Variants in SBNO1 observed in about 807,000 individuals in gnomAD.
SBNO1 encodes strawberry notch homolog 1.
Under a neutral mutation model 173.6 loss-of-function variants are expected in SBNO1, and 23 were observed. That is an observed-to-expected ratio of 0.13 (90% CI 0.10 to 0.19). The LOEUF (loss-of-function observed/expected upper bound fraction) is 0.19. Ranked by LOEUF, SBNO1 falls within the 10% of genes least tolerant of loss-of-function variation. SBNO1 has a pLI of 1.00. For missense variants in SBNO1, 1,238 were observed against 1,671.2 expected, an observed-to-expected ratio of 0.74 and a Z score of 4.52; for synonymous variants, 632 against 571.5, an observed-to-expected ratio of 1.11 and a Z score of -1.51.
chr12:123,296,028 A>G lies in SBNO1; in HGVS notation c.4062T>C (p.Cys1354=), dbSNP rs764571053. The G allele has an allele frequency of 1.3e-5, 21 of 1,613,554 alleles. No individual in the cohort carries two copies. Residue 1354 remains cysteine (C), a synonymous_variant, in exon 32 of 32, where the codon TGT becomes TGC. Coordinates refer to ENST00000602398, the MANE Select transcript of SBNO1 (RefSeq NM_001167856.3). ...RIVGLIIPAN[C]VSPLVNLLST... The stretch of plus-strand genomic sequence containing the variant: ...ATAGGAGATTTACAAGAGGAGACAC[A>G]CAATTTGCCGGAATGATCAAACCTG...
chr12:123,317,388 T>A, intron 20 of SBNO1, 32 bp from the exon 21 acceptor site: 1 of 1,610,666 alleles, frequency 6.2e-7, no homozygotes, highest in African/African-American at 1.3e-5. Context: ...TAAAGTCACT[T>A]TTGCATAAGA....
At chr12:123,310,047 A>T (rs1196865518) in intron 25 of SBNO1, among the ~76,000 whole-genome samples, 191 bp from the exon 26 acceptor site, 1 of 152,148 alleles carries the variant, frequency 6.6e-6, no homozygotes, top group Non-Finnish European at 1.5e-5. Flanking sequence ...ACACGCTCAA[A>T]AGAGGTTTGT....
At chr12:123,312,615 G>A (rs1868723347) in intron 24 of SBNO1, among the ~76,000 whole-genome samples, 2 of 151,940 alleles carry the variant, frequency 1.3e-5, no homozygotes, top group Non-Finnish European at 2.9e-5. Flanking sequence ...GGGAGGTTCA[G>A]GGAGGAGAAC....
chr12:123,329,277 G>C (rs1044382237), intron 9 of SBNO1, among the ~76,000 whole-genome samples: 1 of 152,020 alleles, frequency 6.6e-6, no homozygotes, highest in Non-Finnish European at 1.5e-5. Flanking sequence ...GCTACCACAG[G>C]GGCTGAGGTG....
intron 1 of SBNO1, among the ~76,000 whole-genome samples, chr12:123,363,348 C>T (rs966141524): frequency 6.6e-6 from 1 of 152,268 alleles, no homozygotes; most frequent in East Asian, 1.9e-4. Flanking sequence ...ATTCTGATTG[C>T]TAGAAAATAT....
At chr12:123,311,257 CA>C (rs1868460515) in intron 24 of SBNO1, 128 bp from the exon 25 acceptor site, 3 of 671,484 alleles carry the variant, frequency 4.5e-6, no homozygotes, top group Non-Finnish European at 7.8e-6. Flanking sequence ...TTTATATAAA[CA>C]TGGAGAAAAT....
chr12:123,307,022 A>T (rs967269994), intron 28 of SBNO1, among the ~76,000 whole-genome samples: 6 of 140,852 alleles, frequency 4.3e-5, no homozygotes, highest in African/African-American at 1.6e-4. Context: ...AACTGCATTA[A>T]AAAAAAAAAA....
chr12:123,333,001 G>T (rs1483389403), intron 7 of SBNO1, among the ~76,000 whole-genome samples: 2 of 152,080 alleles, frequency 1.3e-5, no homozygotes. Context: ...GTGGGTGCCT[G>T]TAGTCCCAGC....
At chr12:123,361,860 G>A (rs1318153643) in intron 1 of SBNO1, among the ~76,000 whole-genome samples, 2 of 152,148 alleles carry the variant, frequency 1.3e-5, no homozygotes, top group African/African-American at 2.4e-5. Context: ...AGATTCTGAG[G>A]CCAGGCGCGG....
chr12:123,339,085 A>G (rs1193667759), intron 5 of SBNO1, among the ~76,000 whole-genome samples: 1 of 152,130 alleles, frequency 6.6e-6, no homozygotes, highest in Non-Finnish European at 1.5e-5. Flanking sequence ...TTAGTTTCCA[A>G]AAATCACCTT....
intron 17 of SBNO1, among the ~76,000 whole-genome samples, 172 bp downstream of exon 17, chr12:123,321,363 C>T (rs1869957109): frequency 6.6e-6 from 1 of 152,162 alleles, no homozygotes; most frequent in Admixed American, 6.6e-5. Flanking sequence ...TATCTTCTCA[C>T]ATATATGAGG....
In SBNO1 at chr12:123,309,417, A is replaced by G; in HGVS notation, c.3538-15T>C. ...TCTACACTAATCTGTAAGAGAAACAACGAAATTTAAACTCATTTCTGTAAA... is the reference window on the plus strand; with the variant it reads ...TCTACACTAATCTGTAAGAGAAACAGCGAAATTTAAACTCATTTCTGTAAA... On this transcript the variant is annotated splice_polypyrimidine_tract_variant and intron_variant, in intron 27 of 31. Transcript: ENST00000602398. 1 of 1,611,046 alleles carries G rather than the reference A, an allele frequency of 6.2e-7. No individual in the cohort carries two copies. Among genetic ancestry groups the G allele is most frequent in the Non-Finnish European group, 8.5e-7 (1 of 1,177,166 alleles).
intron 30 of SBNO1, among the ~76,000 whole-genome samples, chr12:123,298,545 G>A (rs576206494): frequency 7.2e-5 from 11 of 152,260 alleles, no homozygotes; most frequent in South Asian, 2.1e-4. Flanking sequence ...GTGAGCCACC[G>A]CTCTTGGCCT....
chr12:123,307,020 T>TAAAAAAAAAAAAAAA (rs34105162), intron 28 of SBNO1, among the ~76,000 whole-genome samples: 1 of 64,432 alleles, frequency 1.6e-5, no homozygotes, highest in Non-Finnish European at 2.7e-5. Context: ...TCAACTGCAT[T>TAAAAAAAAAAAAAAA]AAAAAAAAAA....
Position 123,295,303 on chromosome 12 carries a change from C to G in SBNO1, c.*605G>C, listed in dbSNP as rs1026200454. The G allele has an allele frequency of 3.3e-5, 5 of 152,146 alleles. No homozygotes were observed. The highest frequency in any genetic ancestry group is 5.9e-5 in the Non-Finnish European group (4 of 68,046). The allele number at this position is 152,146 out of a possible 1,614,324, so 9.4% of individuals were successfully genotyped here. The stretch of plus-strand genomic sequence containing the variant: ...CTAACAAATGTTTCTCTCTGTTACT[C>G]GACTCCTGTGTTAATCTTGTTTCAG... On this transcript the variant is annotated 3_prime_UTR_variant, in exon 32 of 32. Coordinates refer to ENST00000602398, the MANE Select transcript of SBNO1 (RefSeq NM_001167856.3).
At chr12:123,331,488 AT>A (rs1421566935) in intron 7 of SBNO1, 113 bp from the exon 8 acceptor site, 4 of 930,376 alleles carry the variant, frequency 4.3e-6, no homozygotes, top group Non-Finnish European at 6.3e-6. Flanking sequence ...TTGTATATGT[AT>A]TTTGTGACTT....
Position 123,323,836 on chromosome 12 carries a change from A to G in SBNO1, c.1974-5T>C. ...ATGAGTGACTGCAACACACCTCTGT[A>G]GGAGAGAAACAGTGACAATTACTGC... On this transcript the variant is annotated splice_region_variant and splice_polypyrimidine_tract_variant and intron_variant, in intron 15 of 31. Transcript: ENST00000602398. 6.3e-7 allele frequency: 1 copy of G among 1,588,286 alleles called. No homozygotes were observed. Among genetic ancestry groups the G allele is most frequent in the South Asian group, 1.2e-5 (1 of 85,164 alleles).
chr12:123,364,328 G>C, intron 1 of SBNO1: 5 of 984,776 alleles, frequency 5.1e-6, no homozygotes, highest in Non-Finnish European at 6.0e-6. Flanking sequence ...CAGCCCCCGG[G>C]TTGTGAGGCG....
chr12:123,356,544 C>T (rs1464542764), intron 1 of SBNO1, among the ~76,000 whole-genome samples: 1 of 152,178 alleles, frequency 6.6e-6, no homozygotes, highest in Admixed American at 6.5e-5. Context: ...TGGGTTCAAG[C>T]GATTCTCCTG....
Sources: gnomAD v4.1 joint callset for allele counts (sites outside exome capture counted in the v4.1 genomes callset) on GRCh38, gnomAD v4.1.1 for gene constraint, MANE v1.5 for transcripts, NCBI Gene and HGNC (gene_info 2026-07-23, HGNC 2026-07-21) for gene names.